Variants in CTDSP2 observed in about 807,000 individuals in gnomAD.
The protein encoded by CTDSP2 is CTD small phosphatase 2.
CTDSP2 carries 9 observed loss-of-function variants against 31.6 expected under a neutral mutation model. The observed-to-expected ratio is 0.28, with a 90% CI of 0.17 to 0.50. The LOEUF (loss-of-function observed/expected upper bound fraction) is 0.50. CTDSP2 is among the 20% of genes least tolerant of loss of function. The pLI is 0.98. For missense variants in CTDSP2, 267 were observed against 348.5 expected (o/e 0.77, Z 1.86); for synonymous variants, 134 against 134.5 (o/e 1.00, Z 0.03).
chr12:57,843,719 G>C (rs957443348), intron 1 of CTDSP2, among the ~76,000 whole-genome samples: 1 of 152,196 alleles, frequency 6.6e-6, no homozygotes, highest in African/African-American at 2.4e-5. Flanking sequence ...GGGAGAAGAA[G>C]GAACTCCAAA....
At chr12:57,826,857 T>G in intron 4 of CTDSP2, 139 bp downstream of exon 4, 1 of 647,434 alleles carries the variant, frequency 1.5e-6, no homozygotes, top group African/African-American at 1.8e-5. Context: ...TGACACAGGG[T>G]GGCCAAAATG....
chr12:57,823,850 C>A, intron 7 of CTDSP2, 54 bp downstream of exon 7: 1 of 1,609,508 alleles, frequency 6.2e-7, no homozygotes, highest in South Asian at 1.1e-5. Context: ...GCCCACAGTT[C>A]CAGTCTGCTT....
Position 57,824,020 on chromosome 12 carries a change from A to C in CTDSP2, c.574T>G (p.Cys192Gly), listed in dbSNP as rs1029081352. 1 of 1,613,956 alleles carries C rather than the reference A, an allele frequency of 6.2e-7. No homozygotes were observed. Among genetic ancestry groups the C allele is most frequent in the African/African-American group, 1.3e-5 (1 of 74,868 alleles). ...VFRARLFRES[C>G]VFHQGCYVKD... ...ACGTAGCAGCCCTGGTGGAACACGCAAGACTCACGGAATAGGCGGGCCCGG... is the reference window on the plus strand; with the variant it reads ...ACGTAGCAGCCCTGGTGGAACACGCCAGACTCACGGAATAGGCGGGCCCGG... The change falls in exon 7 of 8, where the codon TGC (cysteine) becomes GGC (glycine). Residue 192 changes from cysteine to glycine, a missense_variant. Cys to Gly is a radical substitution (Grantham distance 159). Around this residue, in one of 2 missense-constraint regions of CTDSP2, gnomAD observed 156 missense variants for 241.3 expected, o/e 0.65. Coordinates refer to ENST00000398073, the MANE Select transcript of CTDSP2 (RefSeq NM_005730.4).
intron 2 of CTDSP2, among the ~76,000 whole-genome samples, chr12:57,828,685 A>G (rs925617957): frequency 2.1e-4 from 32 of 152,232 alleles, no homozygotes; most frequent in African/African-American, 7.7e-4. Context: ...TTATTTAACC[A>G]TTTCCCCTAC....
At position 57,821,379 on chromosome 12, in the gene CTDSP2, T is replaced by G. The variant is rs1167600169; in HGVS notation, c.*2223A>C. ...TGGTCATGGGTCCCACGCCAAGCAC[T>G]TGGACAAGTCTGTTAGGAAAGGGGG... On this transcript the variant is annotated 3_prime_UTR_variant, in exon 8 of 8. Coordinates refer to ENST00000398073, the MANE Select transcript of CTDSP2 (RefSeq NM_005730.4). The G allele has an allele frequency of 1.3e-5, 2 of 152,670 alleles. No homozygotes were observed. The highest frequency in any genetic ancestry group is 4.8e-5 in the African/African-American group (2 of 41,566). 9.5% of individuals were successfully genotyped at this position (152,670 alleles called of 1,614,324 possible). A position where few individuals can be genotyped will look rare whatever the true frequency, so the allele number is the denominator to read the frequency against.
At chr12:57,840,790 T>C (rs1179429046) in intron 1 of CTDSP2, among the ~76,000 whole-genome samples, 1 of 151,916 alleles carries the variant, frequency 6.6e-6, no homozygotes, top group Non-Finnish European at 1.5e-5. Context: ...CTAGAGCACC[T>C]AGGAGGGAAA....
intron 4 of CTDSP2, among the ~76,000 whole-genome samples, chr12:57,826,658 A>G (rs2140474547): frequency 6.6e-6 from 1 of 152,302 alleles, no homozygotes; most frequent in East Asian, 1.9e-4. Flanking sequence ...GGAGACAAGC[A>G]GGGGCAAGGG....
At chr12:57,829,986 A>G (rs1956205127) in intron 1 of CTDSP2, among the ~76,000 whole-genome samples, 2 of 152,188 alleles carry the variant, frequency 1.3e-5, no homozygotes, top group South Asian at 4.1e-4. Flanking sequence ...CAGACAACGG[A>G]GAAACCTGGT....
chr12:57,824,209 C>T lies in CTDSP2; in HGVS notation c.504+18G>A. ...CCACCACACCCACTCCTGGTTCTTC[C>T]CTCTCACCCCTAGGTACCTTGGCCA... On this transcript the variant is annotated intron_variant, in intron 6 of 7. Coordinates refer to ENST00000398073, the MANE Select transcript of CTDSP2 (RefSeq NM_005730.4). The T allele has an allele frequency of 6.2e-7, 1 of 1,613,030 alleles. No homozygotes were observed. Among genetic ancestry groups the T allele is most frequent in the Non-Finnish European group, 8.5e-7 (1 of 1,179,028 alleles).
chr12:57,826,389 G>A lies in CTDSP2; in HGVS notation c.368C>T (p.Ala123Val). ...VHSSFKPINN[A>V]DFIVPIEIEG... The stretch of plus-strand genomic sequence containing the variant: ...AATCTCTATAGGCACTATGAAGTCA[G>A]CATTGTTGATTGGCTGGAAGGCAGA... Residue 123 changes from alanine to valine, a missense_variant, in exon 5 of 8, where the codon GCT becomes GTT. Ala to Val is a moderately conservative substitution (Grantham distance 64). This residue lies in a region of CTDSP2 where 156 missense variants were observed against 241.3 expected (regional missense o/e 0.65). Coordinates refer to ENST00000398073, the MANE Select transcript of CTDSP2 (RefSeq NM_005730.4). 6.2e-7 allele frequency: 1 copy of A among 1,614,148 alleles called. No individual in the cohort carries two copies. Among genetic ancestry groups the A allele is most frequent in the South Asian group, 1.1e-5 (1 of 91,084 alleles).
intron 4 of CTDSP2, 76 bp downstream of exon 4, chr12:57,826,920 C>T (rs1956186072): frequency 1.7e-6 from 2 of 1,160,798 alleles, no homozygotes; most frequent in African/African-American, 1.5e-5. Context: ...CACCTTTAGG[C>T]TGCCTTACAC....
rs563637364 is a variant in CTDSP2 at position 57,823,907 on chromosome 12, A to G, written c.687T>C (p.Asn229=). 4 of 1,613,324 alleles carry G rather than the reference A, an allele frequency of 2.5e-6. No individual in the cohort carries two copies. The highest frequency in any genetic ancestry group is 1.3e-5 in the African/African-American group (1 of 74,808). Reference sequence around the variant, plus strand: ...GAGACGCATCAGGAGCACTCACTGCATTCTCGGGGTGGAATATGTAAGAAG... The same window carrying G: ...GAGACGCATCAGGAGCACTCACTGCGTTCTCGGGGTGGAATATGTAAGAAG... The part of the protein sequence containing the change: ...SPASYIFHPE[N]AVPVQSWFDD... Residue 229 remains asparagine (N), a synonymous_variant, in exon 7 of 8, where the codon AAT becomes AAC. Transcript: ENST00000398073.
intron 1 of CTDSP2, among the ~76,000 whole-genome samples, chr12:57,841,259 A>G (rs780870043): frequency 2.0e-5 from 3 of 152,174 alleles, no homozygotes; most frequent in Admixed American, 6.6e-5. Context: ...CTGCTTTTGT[A>G]CTTTCTCAAT....
chr12:57,846,454 C>A lies in CTDSP2; in HGVS notation c.-19G>T. 1 of 1,568,164 alleles carries A rather than the reference C, an allele frequency of 6.4e-7. No homozygotes were observed. Among genetic ancestry groups the A allele is most frequent in the Non-Finnish European group, 8.6e-7 (1 of 1,158,542 alleles). On this transcript the variant is annotated 5_prime_UTR_variant, in exon 1 of 8. Transcript: ENST00000398073. ...GTTCCATCTAACAATCCCGCGGGCCCGGGCTGGCTGGGCGGGAGGACGGGC... is the reference window on the plus strand; with the variant it reads ...GTTCCATCTAACAATCCCGCGGGCCAGGGCTGGCTGGGCGGGAGGACGGGC...
At position 57,829,484 on chromosome 12, in the gene CTDSP2, G is replaced by T. The variant is rs776246566; in HGVS notation, c.177C>A (p.Leu59=). The part of the protein sequence containing the change: ...HVGQSSSSTE[L]AAYKEEANTI... The stretch of plus-strand genomic sequence containing the variant: ...TGTTTGCTTCCTCCTTATACGCAGC[G>T]AGCTCAGTGGAGGAACTTGACTGGC... Residue 59 remains leucine (L), a synonymous_variant, in exon 2 of 8, where the codon CTC becomes CTA. Transcript: ENST00000398073. The T allele has an allele frequency of 6.2e-7, 1 of 1,614,034 alleles. No individual in the cohort carries two copies. The highest frequency in any genetic ancestry group is 2.2e-5 in the East Asian group (1 of 44,900).
rs1595188179 is a variant in CTDSP2 at position 57,827,047 on chromosome 12, C to T, written c.303G>A (p.Arg101=). The T allele has an allele frequency of 6.2e-7, 1 of 1,613,948 alleles. No individual in the cohort carries two copies. Among genetic ancestry groups the T allele is most frequent in the Non-Finnish European group, 8.5e-7 (1 of 1,180,010 alleles). The change falls in exon 4 of 8, where the codon AGG becomes AGA. Residue 101 remains arginine, a synonymous_variant. Transcript: ENST00000398073. ...LPEVTEEDQG[R]ICVVIDLDET... Reference sequence around the variant, plus strand: ...CATCGAGGTCAATGACCACACAGATCCTTCCTTGATCTTCCTCTGTCACCT... The same window carrying T: ...CATCGAGGTCAATGACCACACAGATTCTTCCTTGATCTTCCTCTGTCACCT...
intron 1 of CTDSP2, among the ~76,000 whole-genome samples, chr12:57,844,929 T>C (rs1442941331): frequency 8.9e-5 from 11 of 123,966 alleles, no homozygotes; most frequent in Admixed American, 3.8e-4. Context: ...CCAGCTCCTC[T>C]CGTTCCACTG....
At chr12:57,843,393 T>C (rs989118832) in intron 1 of CTDSP2, among the ~76,000 whole-genome samples, 1 of 152,240 alleles carries the variant, frequency 6.6e-6, no homozygotes, top group African/African-American at 2.4e-5. Context: ...TTCACCCATC[T>C]GTCTGGGAAG....
rs552266750 is a variant in CTDSP2 at position 57,839,011 on chromosome 12, C to T, written c.64+7361G>A. Among the ~76,000 whole-genome samples, 6 of 152,316 alleles carry T rather than the reference C, an allele frequency of 3.9e-5. No individual in the cohort carries two copies. The East Asian group carries it at 7.7e-4, about 20-fold the overall frequency. ...AGGGCCAAACCGGAAATGATGTTTT[C>T]CGGGACTCCACAAAAACGAATCAGT... On this transcript the variant is annotated intron_variant, in intron 1 of 7. Coordinates refer to ENST00000398073, the MANE Select transcript of CTDSP2 (RefSeq NM_005730.4).
Sources: allele counts gnomAD v4.1 joint callset (sites outside exome capture counted in the v4.1 genomes callset), GRCh38; gene constraint gnomAD v4.1.1; regional missense constraint gnomAD v4.1.1; transcripts MANE v1.5; gene names NCBI Gene and HGNC (gene_info 2026-07-23, HGNC 2026-07-21).